The following RAB8B variants were observed in gnomAD, a reference collection of about 807,000 sequenced individuals.
RAB8B encodes the protein ras-related protein Rab-8B.
RAB8B carries 11 observed loss-of-function variants against 32.0 expected under a neutral mutation model. That is an observed-to-expected ratio of 0.34 (90% CI 0.22 to 0.57). The LOEUF is 0.57. RAB8B is among the 20% of genes least tolerant of loss of function. The pLI is 0.86. For missense variants in RAB8B, 190 were observed against 258.5 expected (o/e 0.73, Z 1.82); for synonymous variants, 103 against 89.6 (o/e 1.15, Z -0.85).
chr15:63,239,434 A>G (rs1192992773), intron 1 of RAB8B, among the ~76,000 whole-genome samples: 1 of 133,796 alleles, frequency 7.5e-6, no homozygotes, highest in Non-Finnish European at 1.6e-5. Context: ...TTTTTTTGAG[A>G]CAGAGTCTCA....
intron 1 of RAB8B, among the ~76,000 whole-genome samples, chr15:63,229,730 G>T (rs1034849491): frequency 1.6e-5 from 2 of 128,878 alleles, no homozygotes; most frequent in African/African-American, 5.9e-5. Flanking sequence ...GCAGTGAGCC[G>T]AGATTGCACC....
intron 1 of RAB8B, among the ~76,000 whole-genome samples, chr15:63,222,626 T>C (rs1460866689): frequency 6.6e-6 from 1 of 152,038 alleles, no homozygotes; most frequent in Admixed American, 6.5e-5. Flanking sequence ...CAACCTCCGC[T>C]TCCTGGGCGC....
At chr15:63,236,134 C>G (rs898563558) in intron 1 of RAB8B, among the ~76,000 whole-genome samples, 1 of 152,156 alleles carries the variant, frequency 6.6e-6, no homozygotes, top group Non-Finnish European at 1.5e-5. Context: ...CTCTAAAGTA[C>G]TTCTCAAGTC....
chr15:63,234,491 T>C (rs938235694), intron 1 of RAB8B, among the ~76,000 whole-genome samples: 1 of 152,232 alleles, frequency 6.6e-6, no homozygotes, highest in Non-Finnish European at 1.5e-5. Context: ...TCCAAGTTCC[T>C]TTTCCCTGTT....
chr15:63,215,897 G>T (rs1414842094), intron 1 of RAB8B, among the ~76,000 whole-genome samples: 1 of 151,982 alleles, frequency 6.6e-6, no homozygotes, highest in African/African-American at 2.4e-5. Flanking sequence ...AATTAGCCAG[G>T]TGTGGTGACA....
At position 63,264,617 on chromosome 15, in the gene RAB8B, A is replaced by C. The variant is rs1055088394; in HGVS notation, c.*998A>C. On this transcript the variant is annotated 3_prime_UTR_variant, in exon 8 of 8. Coordinates refer to ENST00000321437, the MANE Select transcript of RAB8B (RefSeq NM_016530.3). ...ATCCCTGTCTACAAAAGTTAGGTTT[A>C]GATTTTAGTTTGCGGAAACCTTCCC... The C allele has an allele frequency of 3.3e-5, 5 of 152,232 alleles. No individual in the cohort carries two copies. Among genetic ancestry groups the C allele is most frequent in the African/African-American group, 1.2e-4 (5 of 41,466 alleles). 9.4% of individuals were successfully genotyped at this position (152,232 alleles called of 1,614,324 possible).
chr15:63,235,045 C>A (rs1391101386), intron 1 of RAB8B, among the ~76,000 whole-genome samples: 1 of 152,134 alleles, frequency 6.6e-6, no homozygotes, highest in African/African-American at 2.4e-5. Flanking sequence ...TGAACTTGAT[C>A]CAATCTGAAC....
intron 1 of RAB8B, among the ~76,000 whole-genome samples, chr15:63,202,303 T>G (rs2037660018): frequency 6.6e-6 from 1 of 151,234 alleles, no homozygotes; most frequent in Non-Finnish European, 1.5e-5. Flanking sequence ...AAAAAAGAAC[T>G]ATTAAAACTG....
At chr15:63,221,407 A>G (rs1366710294) in intron 1 of RAB8B, among the ~76,000 whole-genome samples, 2 of 152,246 alleles carry the variant, frequency 1.3e-5, no homozygotes, top group Non-Finnish European at 2.9e-5. Context: ...CTGTGCTAGA[A>G]GTATTATAAG....
intron 1 of RAB8B, among the ~76,000 whole-genome samples, chr15:63,225,682 A>G (rs1278869874): frequency 6.6e-6 from 1 of 152,168 alleles, no homozygotes; most frequent in Non-Finnish European, 1.5e-5. Flanking sequence ...AATTTTAATG[A>G]CTATTAGCCT....
intron 1 of RAB8B, among the ~76,000 whole-genome samples, chr15:63,241,897 TG>T (rs2038035063): frequency 6.6e-6 from 1 of 152,002 alleles, no homozygotes; most frequent in African/African-American, 2.4e-5. Flanking sequence ...CAGTATATTT[TG>T]TCAGATGCTA....
intron 1 of RAB8B, 73 bp from the exon 2 acceptor site, chr15:63,244,683 A>G: frequency 8.2e-7 from 1 of 1,222,100 alleles, no homozygotes; most frequent in South Asian, 1.3e-5. Flanking sequence ...TTCAATAGAA[A>G]TCTTTGTCCT....
chr15:63,223,842 C>A (rs918594012), intron 1 of RAB8B: 1 of 429,232 alleles, frequency 2.3e-6, no homozygotes, highest in African/African-American at 2.0e-5. Flanking sequence ...TTGTTTTCTT[C>A]TATAGTGCGG....
Position 63,267,543 on chromosome 15 carries a change from T to G in RAB8B, c.*3924T>G, listed in dbSNP as rs2152587537. The G allele has an allele frequency of 6.6e-6, 1 of 152,348 alleles. No individual in the cohort carries two copies. Among genetic ancestry groups the G allele is most frequent in the East Asian group, 1.9e-4 (1 of 5,182 alleles). 9.4% of individuals were successfully genotyped at this position (152,348 alleles called of 1,614,324 possible). ...TAATGGAAACTCTCTAGTTTTTCCA[T>G]ATAACTATCCTACTGTACATGTTTA... On this transcript the variant is annotated 3_prime_UTR_variant, in exon 8 of 8. Transcript: ENST00000321437.
In RAB8B at chr15:63,259,557, TAAG is replaced by T. The variant is rs1456022064; in HGVS notation, c.415-67_415-65del. ...CCTACCTTTGAGACTTTGAAAAACC[TAAG>T]AAATACAAATGCATTATGTGTTCAA... On this transcript the variant is annotated intron_variant, in intron 5 of 7. Transcript: ENST00000321437. This position sits in a 1 kb window ranked among gnomAD's most constrained non-coding sequence, Gnocchi z 4.4. The T allele has an allele frequency of 7.2e-6, 10 of 1,387,684 alleles. No homozygotes were observed. In the East Asian group the frequency reaches 2.4e-4, roughly 33 times the overall value. 86.0% of individuals were successfully genotyped at this position (1,387,684 alleles called of 1,614,324 possible).
Position 63,229,608 on chromosome 15 carries a change from A to T in RAB8B, c.125-15148A>T, listed in dbSNP as rs1457929371. Among the ~76,000 whole-genome samples, 4 of 151,896 alleles carry T rather than the reference A, an allele frequency of 2.6e-5. No individual in the cohort carries two copies. The East Asian group carries it at 7.7e-4, about 29-fold the overall frequency. Reference sequence around the variant, plus strand: ...CCATTCTGGCCAACATGGTGAAACCATGTCTCAACTAAAAATCCAAAAATT... The same window carrying T: ...CCATTCTGGCCAACATGGTGAAACCTTGTCTCAACTAAAAATCCAAAAATT... On this transcript the variant is annotated intron_variant, in intron 1 of 7. Coordinates refer to ENST00000321437, the MANE Select transcript of RAB8B (RefSeq NM_016530.3).
intron 1 of RAB8B, among the ~76,000 whole-genome samples, chr15:63,208,012 G>A (rs78838114): frequency 0.019 from 2,854 of 152,208 alleles, 46 homozygotes; most frequent in Non-Finnish European, 0.031. Context: ...TTTGGGCAGC[G>A]TCCTTCCCGA....
At chr15:63,207,435 T>G (rs2037707959) in intron 1 of RAB8B, among the ~76,000 whole-genome samples, 1 of 152,194 alleles carries the variant, frequency 6.6e-6, no homozygotes, top group Non-Finnish European at 1.5e-5. Flanking sequence ...GGTCAGTTCA[T>G]TTCCTCTTTT....
chr15:63,262,319 T>G (rs549448378), intron 6 of RAB8B, among the ~76,000 whole-genome samples: 11 of 150,964 alleles, frequency 7.3e-5, no homozygotes, highest in African/African-American at 2.7e-4. Context: ...AAATATTTGA[T>G]GAATGAATGA....
Sources: gnomAD v4.1 joint callset for allele counts (sites outside exome capture counted in the v4.1 genomes callset) on GRCh38, gnomAD v4.1.1 for gene constraint, Gnocchi (gnomAD v3.1) non-coding constraint, MANE v1.5 for transcripts, NCBI Gene and HGNC (gene_info 2026-07-23, HGNC 2026-07-21) for gene names.